The following TTC5 variants were observed in gnomAD, a reference collection of about 807,000 sequenced individuals.
TTC5 encodes the protein tetratricopeptide repeat protein 5.
A neutral mutation model predicts 57.4 loss-of-function variants in TTC5; 46 were observed. The observed-to-expected ratio is 0.80, with a 90% CI of 0.63 to 1.03. TTC5 has a LOEUF of 1.03. Among genes scored for constraint, TTC5 ranks in the 50% least tolerant of loss-of-function variants. The pLI is 0.00. For synonymous variants in TTC5, 190 were observed against 203.5 expected, an observed-to-expected ratio of 0.93 and a Z score of 0.57; for missense variants, 504 against 528.1, an observed-to-expected ratio of 0.95 and a Z score of 0.45.
chr14:20,303,202 A>C (rs1320201022), intron 1 of TTC5, among the ~76,000 whole-genome samples: 3 of 151,900 alleles, frequency 2.0e-5, no homozygotes, highest in Admixed American at 2.0e-4. Context: ...AAAAAAAAAA[A>C]AAAAGAGTCT....
At position 20,305,777 on chromosome 14, in the gene TTC5, G is replaced by A. The variant is rs1882279020; in HGVS notation, c.51+110C>T. On this transcript the variant is annotated intron_variant, in intron 1 of 9. Transcript: ENST00000258821. ...GGGTTGTTATAGTAACCACACAGAC[G>A]CACGCAGCTTCGCGTGTGTGCCGAG... The A allele has an allele frequency of 1.7e-5, 19 of 1,144,756 alleles. No individual in the cohort carries two copies. In the South Asian group the frequency reaches 2.2e-4, roughly 13 times the overall value. The allele number at this position is 1,144,756 out of a possible 1,614,324, so 70.9% of individuals were successfully genotyped here.
Position 20,295,790 on chromosome 14 carries a change from T to C in TTC5, c.761A>G (p.Asp254Gly), listed in dbSNP as rs1594263897. The change falls in exon 7 of 10, where the codon GAC (aspartate) becomes GGC (glycine). Residue 254 changes from aspartate (D) to glycine (G), a missense_variant. Transcript: ENST00000258821. ...TTGCCGGGGCTCTGGCCAGGCAGGGTCCAGGGCTGCAGCCCGAGAGAAGCC... is the reference window on the plus strand; with the variant it reads ...TTGCCGGGGCTCTGGCCAGGCAGGGCCCAGGGCTGCAGCCCGAGAGAAGCC... ...LEGFSRAAALDPAWPEPRQRE... is the reference protein window; with the variant it reads ...LEGFSRAAALGPAWPEPRQRE... 6.2e-7 allele frequency: 1 copy of C among 1,612,758 alleles called. No individual in the cohort carries two copies.
chr14:20,302,404 C>T lies in TTC5; in HGVS notation c.52-439G>A, dbSNP rs866762992. 7.9e-5 allele frequency among the ~76,000 whole-genome samples: 12 copies of T among 152,282 alleles called. No homozygotes were observed. The South Asian group carries it at 2.3e-3, about 29-fold the overall frequency. Reference sequence around the variant, plus strand: ...CTTCTCAACTAAAACCATTTTATCCCTGATTTTTCATATGCTGAGATCTGA... The same window carrying T: ...CTTCTCAACTAAAACCATTTTATCCTTGATTTTTCATATGCTGAGATCTGA... On this transcript the variant is annotated intron_variant, in intron 1 of 9. Transcript: ENST00000258821.
At chr14:20,291,441 G>T (rs1881950749) in intron 9 of TTC5, among the ~76,000 whole-genome samples, 1 of 152,168 alleles carries the variant, frequency 6.6e-6, no homozygotes, top group South Asian at 2.1e-4. Context: ...TGGTTAAACA[G>T]TAGTTAAATA....
intron 1 of TTC5, among the ~76,000 whole-genome samples, chr14:20,303,666 T>C (rs558420770): frequency 7.4e-6 from 1 of 135,212 alleles, no homozygotes; most frequent in Non-Finnish European, 1.8e-5. Flanking sequence ...AGTGATCTTA[T>C]AAAAAACGTA....
At chr14:20,294,767 C>T (rs1318974159) in intron 8 of TTC5, 1 of 152,426 alleles carries the variant, frequency 6.6e-6, no homozygotes, top group Non-Finnish European at 1.5e-5. Context: ...AATTCATTTC[C>T]TCTGCTGCTA....
intron 4 of TTC5, among the ~76,000 whole-genome samples, 177 bp downstream of exon 4, chr14:20,299,121 A>G (rs901293669): frequency 6.6e-6 from 1 of 152,222 alleles, no homozygotes; most frequent in African/African-American, 2.4e-5. Context: ...TAGGATCAAA[A>G]GATCGAAGAG....
In TTC5 at chr14:20,300,363, T is replaced by G. The variant is rs566824626; in HGVS notation, c.396+244A>C. On this transcript the variant is annotated intron_variant, in intron 3 of 9. Transcript: ENST00000258821. Reference sequence around the variant, plus strand: ...TCAACCCCCATCCACAGGGATCAGCTTAGCTGCTAGCTTTTCTTCACTTCC... The same window carrying G: ...TCAACCCCCATCCACAGGGATCAGCGTAGCTGCTAGCTTTTCTTCACTTCC... The G allele has an allele frequency of 2.1e-5, 10 of 482,122 alleles. No homozygotes were observed. The East Asian group carries it at 3.5e-4, about 17-fold the overall frequency. 29.9% of individuals were successfully genotyped at this position (482,122 alleles called of 1,614,324 possible).
rs140242445 is a variant in TTC5 at position 20,290,282 on chromosome 14, G to C, written c.1204-536C>G. On this transcript the variant is annotated intron_variant, in intron 9 of 9. Transcript: ENST00000258821. ...ATAACAAAAAAGGTATCAGCTCACTGTATCAGTTTAAGTGTATTTTAAGTT... is the reference window on the plus strand; with the variant it reads ...ATAACAAAAAAGGTATCAGCTCACTCTATCAGTTTAAGTGTATTTTAAGTT... Among the ~76,000 whole-genome samples, 415 of 152,302 alleles carry C rather than the reference G, an allele frequency of 2.7e-3. 1 individual carries two copies. Among genetic ancestry groups the C allele is most frequent in the African/African-American group, 9.0e-3 (375 of 41,566 alleles).
In TTC5 at chr14:20,289,588, T is replaced by G; in HGVS notation, c.*39A>C. 6.3e-7 allele frequency: 1 copy of G among 1,587,932 alleles called. No individual in the cohort carries two copies. Among genetic ancestry groups the G allele is most frequent in the Non-Finnish European group, 8.6e-7 (1 of 1,166,064 alleles). ...TGGACCGGCTGTCCAGAGCCTTGTC[T>G]CCTCTCCTCCACTCCCTGTTGAGCA... is the stretch of plus-strand genomic sequence containing the variant. On this transcript the variant is annotated 3_prime_UTR_variant, in exon 10 of 10. Coordinates refer to ENST00000258821, the MANE Select transcript of TTC5 (RefSeq NM_138376.3).
intron 5 of TTC5, among the ~76,000 whole-genome samples, chr14:20,297,037 G>A (rs534450873): frequency 1.1e-4 from 17 of 152,182 alleles, no homozygotes; most frequent in Admixed American, 9.2e-4. Context: ...GAATGAAATA[G>A]GTGAAATCAT....
chr14:20,300,047 C>A (rs1882150109), intron 3 of TTC5, among the ~76,000 whole-genome samples: 1 of 150,524 alleles, frequency 6.6e-6, no homozygotes, highest in African/African-American at 2.4e-5. Flanking sequence ...ACCATGTTGG[C>A]CAGGCTGGTC....
At position 20,287,552 on chromosome 14, in the gene TTC5, G is replaced by T. The variant is rs534044895; in HGVS notation, c.*2075C>A. On this transcript the variant is annotated 3_prime_UTR_variant, in exon 10 of 10. Coordinates refer to ENST00000258821, the MANE Select transcript of TTC5 (RefSeq NM_138376.3). ...ATGCAAGGGCTTCCAAGTTATCAATGATGTTCTAGTTTTTAAGGCAGGTGG... is the reference window on the plus strand; with the variant it reads ...ATGCAAGGGCTTCCAAGTTATCAATTATGTTCTAGTTTTTAAGGCAGGTGG... The T allele has an allele frequency of 6.6e-6, 1 of 152,264 alleles. No homozygotes were observed. Among genetic ancestry groups the T allele is most frequent in the African/African-American group, 2.4e-5 (1 of 41,526 alleles). The allele number at this position is 152,264 out of a possible 1,614,324, so 9.4% of individuals were successfully genotyped here.
rs1450486654 is a variant in TTC5 at position 20,301,857 on chromosome 14, G to C, written c.160C>G (p.Leu54Val). 3 of 1,614,058 alleles carry C rather than the reference G, an allele frequency of 1.9e-6. No individual in the cohort carries two copies. Among genetic ancestry groups the C allele is most frequent in the Non-Finnish European group, 2.5e-6 (3 of 1,179,976 alleles). The stretch of plus-strand genomic sequence containing the variant: ...CCCACTACTTCTTCCATCTGCTGTA[G>C]GGTTTTCTCCATCTCCTTCTGCACA... The part of the protein sequence containing the change: ...QDVQKEMEKT[L>V]QQMEEVVGSV... The change falls in exon 2 of 10, where the codon CTA (leucine) becomes GTA (valine). Residue 54 changes from leucine to valine, a missense_variant. Coordinates refer to ENST00000258821, the MANE Select transcript of TTC5 (RefSeq NM_138376.3).
chr14:20,295,142 G>C (rs1882033105), intron 8 of TTC5, 170 bp downstream of exon 8: 1 of 630,454 alleles, frequency 1.6e-6, no homozygotes, highest in Non-Finnish European at 2.8e-6. Context: ...CTGATCAAAA[G>C]ATGGTTAAAC....
chr14:20,301,687 G>A (rs1044713999), intron 2 of TTC5, 146 bp downstream of exon 2: 160 of 1,003,398 alleles, frequency 1.6e-4, no homozygotes, highest in Non-Finnish European at 3.9e-5. Flanking sequence ...GGAATGAAAG[G>A]TTGCACAGGG....
At chr14:20,305,621 C>T (rs762474892) in intron 1 of TTC5, 9 of 539,498 alleles carry the variant, frequency 1.7e-5, no homozygotes, top group Non-Finnish European at 2.3e-5. Context: ...AAACAACGTC[C>T]TCTCTAAAAA....
chr14:20,293,770 A>C (rs1269644214), intron 8 of TTC5: 2 of 152,220 alleles, frequency 1.3e-5, no homozygotes. Context: ...CTATTCTTCC[A>C]AAAGTCTTAA....
At chr14:20,292,332 C>T in intron 8 of TTC5, 1 of 308,678 alleles carries the variant, frequency 3.2e-6, no homozygotes, top group Non-Finnish European at 5.8e-6. Context: ...TTCTCAGTTA[C>T]TCAGAAAACC....
Sources: gnomAD v4.1 joint callset for allele counts (sites outside exome capture counted in the v4.1 genomes callset) on GRCh38, gnomAD v4.1.1 for gene constraint, MANE v1.5 for transcripts, NCBI Gene and HGNC (gene_info 2026-07-23, HGNC 2026-07-21) for gene names.